AKT3: variants seen among roughly 807,000 people sequenced by gnomAD.
AKT3 encodes AKT serine/threonine kinase 3.
Under a neutral mutation model 65.3 loss-of-function variants are expected in AKT3, and 15 were observed. The ratio of observed to expected loss-of-function variants is 0.23; its 90% CI spans 0.15 to 0.35. The LOEUF is 0.35. Among genes scored for constraint, AKT3 ranks in the 10% least tolerant of loss-of-function variants. AKT3 has a pLI of 1.00. For synonymous variants in AKT3, 206 were observed against 183.8 expected, an observed-to-expected ratio of 1.12 and a Z score of -0.98; for missense variants, 243 against 576.5, an observed-to-expected ratio of 0.42 and a Z score of 5.92.
At chr1:243,796,372 A>G (rs753334548) in intron 2 of AKT3, among the ~76,000 whole-genome samples, 1 of 152,218 alleles carries the variant, frequency 6.6e-6, no homozygotes, top group Non-Finnish European at 1.5e-5. Flanking sequence ...CCGATCACAG[A>G]CTTGCATTAG....
intron 2 of AKT3, among the ~76,000 whole-genome samples, chr1:243,809,886 A>G (rs1380580090): frequency 6.6e-6 from 1 of 152,240 alleles, no homozygotes; most frequent in Non-Finnish European, 1.5e-5. Context: ...AACTCACTCA[A>G]AATCACACAA....
chr1:243,582,967 A>C (rs1202403496), intron 8 of AKT3, among the ~76,000 whole-genome samples: 1 of 151,484 alleles, frequency 6.6e-6, no homozygotes, highest in African/African-American at 2.4e-5. Context: ...CTATTCTTTC[A>C]TCTGATAAAA....
chr1:243,849,614 C>T (rs983237119), intron 1 of AKT3, among the ~76,000 whole-genome samples: 3 of 151,918 alleles, frequency 2.0e-5, no homozygotes, highest in Non-Finnish European at 4.4e-5. Flanking sequence ...GCCCCCGGTC[C>T]AGGCGGGCGC....
At chr1:243,680,312 A>G (rs1683824928) in intron 3 of AKT3, among the ~76,000 whole-genome samples, 1 of 152,152 alleles carries the variant, frequency 6.6e-6, no homozygotes, top group African/African-American at 2.4e-5. Flanking sequence ...AAATGAATGA[A>G]AAAAGCTGAA....
chr1:243,575,936 A>G (rs1304556417), intron 8 of AKT3, among the ~76,000 whole-genome samples: 2 of 152,180 alleles, frequency 1.3e-5, no homozygotes, highest in Non-Finnish European at 2.9e-5. Flanking sequence ...ATATATAATC[A>G]GAGAAATAAT....
At chr1:243,760,255 A>C (rs1445960135) in intron 2 of AKT3, among the ~76,000 whole-genome samples, 1 of 146,548 alleles carries the variant, frequency 6.8e-6, no homozygotes, top group Non-Finnish European at 1.5e-5. Flanking sequence ...AATAGCTGGG[A>C]CTACAGGCAT....
At chr1:243,585,389 A>C (rs1246656743) in intron 8 of AKT3, among the ~76,000 whole-genome samples, 14 of 152,074 alleles carry the variant, frequency 9.2e-5, no homozygotes, top group Admixed American at 9.2e-4. Flanking sequence ...GAAAAAAAAA[A>C]CTACAAAATT....
At chr1:243,607,058 G>C (rs998206292) in intron 8 of AKT3, among the ~76,000 whole-genome samples, 1 of 152,246 alleles carries the variant, frequency 6.6e-6, no homozygotes, top group Non-Finnish European at 1.5e-5. Context: ...GGAAACACTT[G>C]GATGACCAGT....
At chr1:243,840,699 TGA>T (rs1399543692) in intron 2 of AKT3, among the ~76,000 whole-genome samples, 1 of 141,730 alleles carries the variant, frequency 7.1e-6, no homozygotes, top group Non-Finnish European at 1.6e-5. Context: ...AAGGGAAAGA[TGA>T]GGAGAAAAGC....
intron 12 of AKT3, among the ~76,000 whole-genome samples, chr1:243,520,337 G>T (rs1421732584): frequency 6.6e-6 from 1 of 152,156 alleles, no homozygotes; most frequent in Admixed American, 6.5e-5. Flanking sequence ...AACCCTGCCT[G>T]CACCTTGATC....
At chr1:243,850,824 AGC>A, upstream of AKT3, among the ~76,000 whole-genome samples, 1 of 151,560 alleles carries the variant, frequency 6.6e-6, no homozygotes, top group South Asian at 2.1e-4. Context: ...CAGAGCCGGG[AGC>A]GGGGGCAGTC....
At chr1:243,722,864 A>T (rs1686995246) in intron 2 of AKT3, among the ~76,000 whole-genome samples, 1 of 152,230 alleles carries the variant, frequency 6.6e-6, no homozygotes, top group Non-Finnish European at 1.5e-5. Flanking sequence ...AAATGCAGTA[A>T]GTCTGGGCAC....
intron 2 of AKT3, among the ~76,000 whole-genome samples, chr1:243,748,306 TAA>T (rs1427076384): frequency 1.3e-5 from 2 of 151,654 alleles, no homozygotes; most frequent in Non-Finnish European, 2.9e-5. Flanking sequence ...AACATGAAGA[TAA>T]AGAGGCAAAG....
At chr1:243,668,267 T>TGTAC (rs1470567754) in intron 3 of AKT3, among the ~76,000 whole-genome samples, 1 of 152,116 alleles carries the variant, frequency 6.6e-6, no homozygotes, top group African/African-American at 2.4e-5. Context: ...TCTAAAGCAA[T>TGTAC]GTACCTATAT....
intron 2 of AKT3, among the ~76,000 whole-genome samples, chr1:243,750,939 A>G (rs1688774603): frequency 6.6e-6 from 1 of 151,982 alleles, no homozygotes; most frequent in South Asian, 2.1e-4. Context: ...TTTTTAAAAG[A>G]AAAAAAACTG....
intron 2 of AKT3, among the ~76,000 whole-genome samples, chr1:243,823,000 C>A (rs967575195): frequency 6.6e-6 from 1 of 152,138 alleles, no homozygotes; most frequent in African/African-American, 2.4e-5. Flanking sequence ...CAGCCAATAT[C>A]CCTGATGAAC....
At chr1:243,814,996 C>T (rs1006785270) in intron 2 of AKT3, among the ~76,000 whole-genome samples, 1 of 152,060 alleles carries the variant, frequency 6.6e-6, no homozygotes. Context: ...TTCAAAACAC[C>T]TGGATATTTC....
intron 9 of AKT3, 128 bp from the exon 10 acceptor site, chr1:243,563,976 G>C (rs993421799): frequency 2.6e-6 from 2 of 760,610 alleles, no homozygotes; most frequent in African/African-American, 3.5e-5. Flanking sequence ...CTAATAGAAC[G>C]CTCAGTACTT....
chr1:243,816,265 A>G (rs551027266), intron 2 of AKT3, among the ~76,000 whole-genome samples: 23 of 152,212 alleles, frequency 1.5e-4, no homozygotes, highest in Non-Finnish European at 2.8e-4. Context: ...TTGAACTAGC[A>G]TATCAACAGC....
Sources: gnomAD v4.1 joint callset for allele counts (sites outside exome capture counted in the v4.1 genomes callset) on GRCh38, gnomAD v4.1.1 for gene constraint, MANE v1.5 for transcripts, NCBI Gene and HGNC (gene_info 2026-07-23, HGNC 2026-07-21) for gene names.